The following RIN2 variants were observed in gnomAD, a reference collection of about 807,000 sequenced individuals.
RIN2 encodes the protein RAB5 interacting protein 2.
In RIN2, 36 loss-of-function variants were observed where a neutral mutation model predicts 78.0. The observed-to-expected ratio is 0.46, with a 90% CI of 0.35 to 0.61. RIN2 has a LOEUF of 0.61. Ranked by LOEUF, RIN2 falls within the 20% of genes least tolerant of loss-of-function variation. The pLI is 0.00. For missense variants in RIN2, 1,087 were observed against 1,159.7 expected (o/e 0.94, Z 0.91); for synonymous variants, 466 against 466.8 (o/e 1.00, Z 0.02).
intron 2 of RIN2, among the ~76,000 whole-genome samples, chr20:19,871,575 G>T (rs1382628392): frequency 6.6e-6 from 1 of 152,190 alleles, no homozygotes; most frequent in Non-Finnish European, 1.5e-5. Flanking sequence ...TGCCAACTTA[G>T]GTCACACATT....
At chr20:19,994,123 C>CA (rs1296090998) in intron 11 of RIN2, among the ~76,000 whole-genome samples, 1 of 152,220 alleles carries the variant, frequency 6.6e-6, no homozygotes, top group African/African-American at 2.4e-5. Flanking sequence ...GACAAGGGCA[C>CA]AGCTAGTGAG....
chr20:19,883,326 GAA>G (rs2038083310), intron 2 of RIN2, among the ~76,000 whole-genome samples: 1 of 144,864 alleles, frequency 6.9e-6, no homozygotes, highest in Admixed American at 7.1e-5. Flanking sequence ...TCCTACTCCA[GAA>G]AGAGAGGACT....
chr20:19,765,750 C>A (rs2033856368), intron 1 of RIN2, among the ~76,000 whole-genome samples: 1 of 151,864 alleles, frequency 6.6e-6, no homozygotes, highest in African/African-American at 2.4e-5. Context: ...GGCATTTATC[C>A]CTCTTCCTTT....
chr20:19,973,661 C>T (rs571830796), intron 8 of RIN2, among the ~76,000 whole-genome samples: 4 of 152,020 alleles, frequency 2.6e-5, no homozygotes, highest in African/African-American at 7.2e-5. Context: ...TGGTGGTGTG[C>T]GCCTGTAGTC....
chr20:19,886,492 CGACCAACGCGACCAGCTCCG>C (rs2038195689), intron 2 of RIN2: 1 of 540,348 alleles, frequency 1.9e-6, no homozygotes, highest in Non-Finnish European at 3.3e-6. Flanking sequence ...CCATTAGCGC[CGACCAACGCGACCAGCTCCG>C]TTTACATTCT....
intron 2 of RIN2, among the ~76,000 whole-genome samples, chr20:19,868,964 TC>T (rs1321515344): frequency 1.3e-5 from 2 of 151,224 alleles, no homozygotes; most frequent in Non-Finnish European, 2.9e-5. Context: ...TGCCTCTAAT[TC>T]CAGCTACTCG....
At chr20:19,772,091 T>C (rs573421029) in intron 1 of RIN2, among the ~76,000 whole-genome samples, 1 of 152,306 alleles carries the variant, frequency 6.6e-6, no homozygotes, top group South Asian at 2.1e-4. Flanking sequence ...TCTCAGATAC[T>C]CAAGGGCATT....
chr20:19,900,018 G>A (rs2038909636), intron 3 of RIN2, among the ~76,000 whole-genome samples: 1 of 152,134 alleles, frequency 6.6e-6, no homozygotes, highest in African/African-American at 2.4e-5. Context: ...CAGACAGGTG[G>A]GATTGGTGGA....
chr20:19,911,902 G>A lies in RIN2; in HGVS notation c.57+22244G>A, dbSNP rs146464097. On this transcript the variant is annotated intron_variant, in intron 3 of 12. Transcript: ENST00000255006. The stretch of plus-strand genomic sequence containing the variant: ...TCTTTGTTATCAGAATAGGTGAATC[G>A]CGTGGGTGAGCCCAGCGTACAGATG... Among the ~76,000 whole-genome samples, 243 of 152,272 alleles carry A rather than the reference G, an allele frequency of 1.6e-3. 1 individual carries two copies. The highest frequency in any genetic ancestry group is 5.7e-3 in the African/African-American group (235 of 41,556).
intron 5 of RIN2, among the ~76,000 whole-genome samples, chr20:19,958,395 G>C (rs1427635385): frequency 1.3e-5 from 2 of 152,370 alleles, no homozygotes; most frequent in East Asian, 3.9e-4. Context: ...GCAACAGCCT[G>C]CCCAGCTCCC....
intron 2 of RIN2, among the ~76,000 whole-genome samples, chr20:19,878,599 A>T (rs375417017): frequency 2.0e-5 from 3 of 152,038 alleles, no homozygotes; most frequent in African/African-American, 7.2e-5. Context: ...TTGATGTATA[A>T]TTTTTTTAAT....
chr20:19,810,113 G>C (rs958095502), intron 2 of RIN2, among the ~76,000 whole-genome samples: 2 of 152,110 alleles, frequency 1.3e-5, no homozygotes, highest in Admixed American at 6.6e-5. Flanking sequence ...GAAGTGCCAA[G>C]AGGGGCCAGG....
At chr20:19,838,096 CTT>C (rs2036475106) in intron 2 of RIN2, among the ~76,000 whole-genome samples, 1 of 152,130 alleles carries the variant, frequency 6.6e-6, no homozygotes, top group Non-Finnish European at 1.5e-5. Context: ...AAAAACATAT[CTT>C]CTCTCATTGG....
At chr20:19,918,353 T>TTGTGTGTGTG (rs3059683) in intron 3 of RIN2, among the ~76,000 whole-genome samples, 4 of 147,222 alleles carry the variant, frequency 2.7e-5, no homozygotes, top group East Asian at 4.0e-4. Flanking sequence ...TACAAATACA[T>TTGTGTGTGTG]TGTGTGTGTG....
chr20:19,960,756 G>A lies in RIN2; in HGVS notation c.408G>A (p.Leu136=). Residue 136 remains leucine (L), a synonymous_variant, in exon 6 of 13, where the codon CTG becomes CTA. Coordinates refer to ENST00000255006, the MANE Select transcript of RIN2 (RefSeq NM_018993.4). ...KMQKKVLSLR[L]PCEFGAPLKE... Reference sequence around the variant, plus strand: ...AGAAGAAAGTCCTCTCCCTCCGCCTGCCCTGTGAATTTGGGGCCCCACTCA... The same window carrying A: ...AGAAGAAAGTCCTCTCCCTCCGCCTACCCTGTGAATTTGGGGCCCCACTCA... The A allele has an allele frequency of 6.2e-7, 1 of 1,605,448 alleles. No individual in the cohort carries two copies. The highest frequency in any genetic ancestry group is 8.5e-7 in the Non-Finnish European group (1 of 1,176,096).
At chr20:19,813,940 G>A (rs1323796957) in intron 2 of RIN2, among the ~76,000 whole-genome samples, 1 of 152,144 alleles carries the variant, frequency 6.6e-6, no homozygotes, top group African/African-American at 2.4e-5. Flanking sequence ...TAGAAAACTA[G>A]ACATGTTTAT....
intron 2 of RIN2, among the ~76,000 whole-genome samples, chr20:19,858,613 A>G (rs2037238334): frequency 6.6e-6 from 1 of 152,162 alleles, no homozygotes; most frequent in South Asian, 2.1e-4. Flanking sequence ...AGAGACCATC[A>G]TTTTCCTTCT....
chr20:19,842,284 GC>G (rs2036602074), intron 2 of RIN2, among the ~76,000 whole-genome samples: 1 of 150,318 alleles, frequency 6.7e-6, no homozygotes, highest in Non-Finnish European at 1.5e-5. Flanking sequence ...GTGTAGTGGT[GC>G]GATCTTGGCT....
At chr20:19,809,739 G>A (rs919247113) in intron 2 of RIN2, 1 of 152,166 alleles carries the variant, frequency 6.6e-6, no homozygotes, top group Non-Finnish European at 1.5e-5. Context: ...ACACATGATG[G>A]GGCCTCATGG....
Sources: allele counts gnomAD v4.1 joint callset (sites outside exome capture counted in the v4.1 genomes callset), GRCh38; gene constraint gnomAD v4.1.1; transcripts MANE v1.5; gene names NCBI Gene and HGNC (gene_info 2026-07-23, HGNC 2026-07-21).